SORCS1: variants seen among roughly 807,000 people sequenced by gnomAD.
SORCS1 encodes the protein VPS10 domain-containing receptor SorCS1.
Under a neutral mutation model 146.1 loss-of-function variants are expected in SORCS1, and 60 were observed. The ratio of observed to expected loss-of-function variants is 0.41; its 90% CI spans 0.33 to 0.51. The LOEUF is 0.51. SORCS1 is among the 20% of genes least tolerant of loss of function. SORCS1 has a pLI of 0.21. For missense variants in SORCS1, 1,352 were observed against 1,487.6 expected (o/e 0.91, Z 1.50); for synonymous variants, 637 against 584.0 (o/e 1.09, Z -1.31).
At chr10:106,880,372 T>A (rs1028473907) in intron 2 of SORCS1, among the ~76,000 whole-genome samples, 2 of 152,200 alleles carry the variant, frequency 1.3e-5, no homozygotes, top group Non-Finnish European at 2.9e-5. Flanking sequence ...AAAATACCTA[T>A]GAACATATTT....
At chr10:107,109,350 G>A (rs12780981) in intron 1 of SORCS1, among the ~76,000 whole-genome samples, 32,535 of 152,224 alleles carry the variant, frequency 0.21, 4,493 homozygotes, top group Middle Eastern at 0.31. Context: ...AAATCTAGAC[G>A]GAGGCCAAGC....
intron 18 of SORCS1, among the ~76,000 whole-genome samples, chr10:106,640,978 T>C (rs996259944): frequency 6.6e-6 from 1 of 152,170 alleles, no homozygotes; most frequent in African/African-American, 2.4e-5. Context: ...GCATTGTGTG[T>C]GCTTGTGTGC....
intron 18 of SORCS1, among the ~76,000 whole-genome samples, chr10:106,635,841 C>A (rs1202665036): frequency 6.6e-6 from 1 of 152,060 alleles, no homozygotes; most frequent in African/African-American, 2.4e-5. Context: ...CACTGAGTGA[C>A]AGAAAGGAAA....
At chr10:107,115,817 T>C (rs984893064) in intron 1 of SORCS1, among the ~76,000 whole-genome samples, 3 of 151,958 alleles carry the variant, frequency 2.0e-5, no homozygotes, top group Non-Finnish European at 4.4e-5. Flanking sequence ...AGGCAGTCCA[T>C]GGAATGAGAG....
chr10:107,032,253 TTTAAGCAAG>T (rs1399882693), intron 1 of SORCS1, among the ~76,000 whole-genome samples: 1 of 152,140 alleles, frequency 6.6e-6, no homozygotes, highest in African/African-American at 2.4e-5. Flanking sequence ...CTGGGACTAA[TTTAAGCAAG>T]AAAGGGCAAA....
chr10:106,651,407 A>G (rs1448760789), intron 18 of SORCS1, among the ~76,000 whole-genome samples: 1 of 152,140 alleles, frequency 6.6e-6, no homozygotes, highest in Non-Finnish European at 1.5e-5. Flanking sequence ...AGAAATGTAT[A>G]TTCTTGGGCC....
chr10:106,926,913 A>C (rs1166957132), intron 2 of SORCS1, among the ~76,000 whole-genome samples: 2 of 151,200 alleles, frequency 1.3e-5, no homozygotes, highest in Non-Finnish European at 2.9e-5. Flanking sequence ...ACAAATGTCT[A>C]TGTTGGTTGT....
chr10:106,860,268 G>C (rs1382190103), intron 2 of SORCS1, among the ~76,000 whole-genome samples: 1 of 152,160 alleles, frequency 6.6e-6, no homozygotes, highest in East Asian at 1.9e-4. Flanking sequence ...TTTGGGAGGA[G>C]AGCAACTTAT....
Position 106,999,277 on chromosome 10 carries a change from A to G in SORCS1, c.559-42697T>C, listed in dbSNP as rs564416074. Among the ~76,000 whole-genome samples the G allele has an allele frequency of 2.6e-5, 4 of 152,254 alleles. No homozygotes were observed. In the South Asian group the frequency reaches 6.2e-4, roughly 24 times the overall value. ...CATACATACACACACACAGATGCAC[A>G]CACACAAATAGGCAAACATCATTTG... On this transcript the variant is annotated intron_variant, in intron 1 of 25. Transcript: ENST00000263054.
chr10:107,079,259 A>C (rs1294555242), intron 1 of SORCS1, among the ~76,000 whole-genome samples: 2 of 152,164 alleles, frequency 1.3e-5, no homozygotes, highest in Non-Finnish European at 2.9e-5. Flanking sequence ...GAGATCATAA[A>C]GAAAGACTCT....
At chr10:106,689,516 G>C (rs534826548) in intron 9 of SORCS1, among the ~76,000 whole-genome samples, 49 of 152,278 alleles carry the variant, frequency 3.2e-4, no homozygotes, top group African/African-American at 1.1e-3. Flanking sequence ...GAGCAGGCTA[G>C]CAAGCCTATT....
chr10:106,912,188 T>C (rs1952200148), intron 2 of SORCS1, among the ~76,000 whole-genome samples: 1 of 152,022 alleles, frequency 6.6e-6, no homozygotes, highest in Non-Finnish European at 1.5e-5. Context: ...CACTTTAGGT[T>C]AACTGTGGCC....
At chr10:106,985,192 T>C (rs1956412811) in intron 1 of SORCS1, among the ~76,000 whole-genome samples, 1 of 151,986 alleles carries the variant, frequency 6.6e-6, no homozygotes. Flanking sequence ...CATCTCAAAA[T>C]GAATACATAA....
At chr10:106,784,161 C>T (rs1442989748) in intron 3 of SORCS1, among the ~76,000 whole-genome samples, 3 of 151,972 alleles carry the variant, frequency 2.0e-5, no homozygotes, top group South Asian at 2.1e-4. Context: ...TTTGGGAGGC[C>T]GAGGCAGGCG....
At chr10:106,920,007 T>G (rs1345548490) in intron 2 of SORCS1, among the ~76,000 whole-genome samples, 1 of 152,226 alleles carries the variant, frequency 6.6e-6, no homozygotes, top group Non-Finnish European at 1.5e-5. Context: ...CCTCAGAGGT[T>G]GCTGATGACG....
At chr10:106,595,084 C>A (rs1057121626) in intron 24 of SORCS1, among the ~76,000 whole-genome samples, 2 of 152,214 alleles carry the variant, frequency 1.3e-5, no homozygotes, top group Admixed American at 1.3e-4. Flanking sequence ...CCCCCATTCA[C>A]CAAACACCAA....
chr10:106,945,893 A>G (rs1954314417), intron 2 of SORCS1, among the ~76,000 whole-genome samples: 2 of 152,224 alleles, frequency 1.3e-5, no homozygotes, highest in Non-Finnish European at 2.9e-5. Context: ...TTGGATGAAT[A>G]CATGCAGATC....
At chr10:106,804,213 T>G (rs1009708206) in intron 3 of SORCS1, among the ~76,000 whole-genome samples, 5 of 152,134 alleles carry the variant, frequency 3.3e-5, no homozygotes, top group Non-Finnish European at 5.9e-5. Context: ...ACTTGCCATA[T>G]CAGCTGCAGT....
chr10:106,937,112 C>T (rs1460537846), intron 2 of SORCS1, among the ~76,000 whole-genome samples: 3 of 151,918 alleles, frequency 2.0e-5, no homozygotes, highest in Admixed American at 1.3e-4. Flanking sequence ...GTAACTGAAT[C>T]ATGGGGGTAG....
Sources: allele counts gnomAD v4.1 joint callset (sites outside exome capture counted in the v4.1 genomes callset), GRCh38; gene constraint gnomAD v4.1.1; transcripts MANE v1.5; gene names NCBI Gene and HGNC (gene_info 2026-07-23, HGNC 2026-07-21).